Variants in DERA observed in about 807,000 individuals in gnomAD.
DERA encodes deoxyribose-phosphate aldolase.
DERA carries 15 observed loss-of-function variants against 41.1 expected under a neutral mutation model. The ratio of observed to expected loss-of-function variants is 0.37; its 90% CI spans 0.24 to 0.56. The LOEUF (loss-of-function observed/expected upper bound fraction) is 0.56. Ranked by LOEUF, DERA falls within the 20% of genes least tolerant of loss-of-function variation. The pLI, the probability that DERA is intolerant of heterozygous loss-of-function variation, is 0.81. For missense variants in DERA, 396 were observed against 403.4 expected (o/e 0.98, Z 0.16); for synonymous variants, 139 against 137.4 (o/e 1.01, Z -0.08).
At chr12:15,962,290 G>T (rs934292145) in intron 4 of DERA, among the ~76,000 whole-genome samples, 2 of 152,188 alleles carry the variant, frequency 1.3e-5, no homozygotes, top group African/African-American at 2.4e-5. Context: ...CAGGCTGGTT[G>T]TTTTTAACAT....
intron 3 of DERA, among the ~76,000 whole-genome samples, chr12:15,958,624 T>A (rs1473067028): frequency 1.3e-5 from 2 of 152,036 alleles, no homozygotes; most frequent in Non-Finnish European, 2.9e-5. Flanking sequence ...AATTTCTGTT[T>A]AGTGACACTG....
In DERA at chr12:15,921,789, G is replaced by A. The variant is rs1484633396; in HGVS notation, c.31+10375G>A. Reference sequence around the variant, plus strand: ...ATACATAAAAAAATTAACCGGGCTTGGTGGCGAGCGCCTGTAATCCCAGCT... The same window carrying A: ...ATACATAAAAAAATTAACCGGGCTTAGTGGCGAGCGCCTGTAATCCCAGCT... On this transcript the variant is annotated intron_variant, in intron 1 of 8. Transcript: ENST00000428559. This position sits in a 1 kb window ranked among gnomAD's most constrained non-coding sequence, Gnocchi z 5.3. 6.6e-6 allele frequency among the ~76,000 whole-genome samples: 1 copy of A among 152,022 alleles called. No homozygotes were observed. The highest frequency in any genetic ancestry group is 2.4e-5 in the African/African-American group (1 of 41,392).
Position 15,957,156 on chromosome 12 carries a change from A to AC in DERA, c.129+124dup. On this transcript the variant is annotated intron_variant, in intron 2 of 8. Coordinates refer to ENST00000428559, the MANE Select transcript of DERA (RefSeq NM_015954.4). The surrounding 1 kb of genome is among the most constrained non-coding windows in gnomAD (Gnocchi z 4.8). Reference sequence around the variant, plus strand: ...ACTTAAAAGATTGCAGCTGTCCATGACTTATTTTAATAATTCATATATGAT... The same window carrying AC: ...ACTTAAAAGATTGCAGCTGTCCATGACCTTATTTTAATAATTCATATATGAT... The AC allele has an allele frequency of 1.4e-6, 1 of 713,724 alleles. No individual in the cohort carries two copies. Among genetic ancestry groups the AC allele is most frequent in the Non-Finnish European group, 2.4e-6 (1 of 409,796 alleles). The allele number at this position is 713,724 out of a possible 1,614,324, so 44.2% of individuals were successfully genotyped here.
In DERA at chr12:15,976,467, G is replaced by T. The variant is rs777883617; in HGVS notation, c.509-5841G>T. On this transcript the variant is annotated intron_variant, in intron 5 of 8. Transcript: ENST00000428559. The surrounding 1 kb of genome is among the most constrained non-coding windows in gnomAD (Gnocchi z 4.1). ...ACATGCAGGCCAAGAATTTCTCTAG[G>T]CCCCAGTGACATGGGGGCTAGGTTT... Among the ~76,000 whole-genome samples the T allele has an allele frequency of 6.6e-6, 1 of 152,104 alleles. No individual in the cohort carries two copies. Among genetic ancestry groups the T allele is most frequent in the Non-Finnish European group, 1.5e-5 (1 of 68,024 alleles).
rs182117363 is a variant in DERA, at chr12:15,947,093, G to A, written c.32-9843G>A. 1.6e-3 allele frequency among the ~76,000 whole-genome samples: 237 copies of A among 151,934 alleles called. 6 individuals are homozygous for A. Among genetic ancestry groups the A allele is most frequent in the Admixed American group, 0.015 (236 of 15,246 alleles). On this transcript the variant is annotated intron_variant, in intron 1 of 8. Transcript: ENST00000428559. ...TGATTGCACTGTGGTTTGAGAGACA[G>A]TTTGTTATAATTTCTGGAGTGCTTT...
Position 15,915,067 on chromosome 12 carries a change from C to A in DERA, c.31+3653C>A, listed in dbSNP as rs954201499. ...TACCAATCTGTACTGGGTAGTATTA[C>A]CCTAGGCTGGGGGTACAAGATAATC... is the stretch of plus-strand genomic sequence containing the variant. On this transcript the variant is annotated intron_variant, in intron 1 of 8. Transcript: ENST00000428559. This position sits in a 1 kb window ranked among gnomAD's most constrained non-coding sequence, Gnocchi z 4.8. 6.6e-6 allele frequency among the ~76,000 whole-genome samples: 1 copy of A among 152,122 alleles called. No homozygotes were observed. Among genetic ancestry groups the A allele is most frequent in the African/African-American group, 2.4e-5 (1 of 41,414 alleles).
Position 15,982,426 on chromosome 12 carries a change from A to T in DERA, c.627A>T (p.Ala209=). The part of the protein sequence containing the change: ...LTNVYKASMI[A]MMAGSDFIKT... ...ATGTCTATAAAGCCAGTATGATAGC[A>T]ATGATGGCAGGTAAGTGTTTTATGT... The change falls in exon 6 of 9, where the codon GCA becomes GCT. Residue 209 remains alanine, a synonymous_variant. Coordinates refer to ENST00000428559, the MANE Select transcript of DERA (RefSeq NM_015954.4). This position sits in a 1 kb window ranked among gnomAD's most constrained non-coding sequence, Gnocchi z 4.0. 1 of 1,606,392 alleles carries T rather than the reference A, an allele frequency of 6.2e-7. No homozygotes were observed. Among genetic ancestry groups the T allele is most frequent in the Non-Finnish European group, 8.5e-7 (1 of 1,178,038 alleles).
At chr12:15,949,481 C>T (rs968601748) in intron 1 of DERA, among the ~76,000 whole-genome samples, 1 of 152,176 alleles carries the variant, frequency 6.6e-6, no homozygotes, top group Non-Finnish European at 1.5e-5. Flanking sequence ...GCTCCGTGGG[C>T]GTGGGACCCT....
At position 15,940,413 on chromosome 12, in the gene DERA, A is replaced by C. The variant is rs1275033618; in HGVS notation, c.32-16523A>C. 6.6e-6 allele frequency among the ~76,000 whole-genome samples: 1 copy of C among 152,036 alleles called. No homozygotes were observed. The highest frequency in any genetic ancestry group is 1.9e-4 in the East Asian group (1 of 5,184). On this transcript the variant is annotated intron_variant, in intron 1 of 8. Coordinates refer to ENST00000428559, the MANE Select transcript of DERA (RefSeq NM_015954.4). This position sits in a 1 kb window ranked among gnomAD's most constrained non-coding sequence, Gnocchi z 5.1. ...GTTACACAGGCTGGAGTACAGTGGCATGATCTTGGCTCACTGCAACCTCCA... is the reference window on the plus strand; with the variant it reads ...GTTACACAGGCTGGAGTACAGTGGCCTGATCTTGGCTCACTGCAACCTCCA...
chr12:15,988,502 G>A lies in DERA; in HGVS notation c.637+6066G>A, dbSNP rs1448340362. Among the ~76,000 whole-genome samples, 1 of 152,214 alleles carries A rather than the reference G, an allele frequency of 6.6e-6. No individual in the cohort carries two copies. Among genetic ancestry groups the A allele is most frequent in the Non-Finnish European group, 1.5e-5 (1 of 68,048 alleles). On this transcript the variant is annotated intron_variant, in intron 6 of 8. Coordinates refer to ENST00000428559, the MANE Select transcript of DERA (RefSeq NM_015954.4). This position sits in a 1 kb window ranked among gnomAD's most constrained non-coding sequence, Gnocchi z 6.0. ...TCCTTTTTGCAGGCAGGTCGTCCCT[G>A]TGAGTGTGTGAGTCTGACTGAGTCT...
rs374438491 is a variant in DERA at position 16,036,288 on chromosome 12, C to T, written c.807C>T (p.Leu269=). The part of the protein sequence containing the change: ...IRSAKDSLAW[L]SLVKEELGDE... ...GTGCAAAGGATTCCCTTGCTTGGCTCTCTCTTGTAAAGGAGGAGCTTGGAG... is the reference window on the plus strand; with the variant it reads ...GTGCAAAGGATTCCCTTGCTTGGCTTTCTCTTGTAAAGGAGGAGCTTGGAG... Residue 269 remains leucine, a synonymous_variant, in exon 8 of 9, where the codon CTC becomes CTT. Transcript: ENST00000428559. This position sits in a 1 kb window ranked among gnomAD's most constrained non-coding sequence, Gnocchi z 4.9. 2.5e-5 allele frequency: 40 copies of T among 1,613,574 alleles called. No homozygotes were observed. The highest frequency in any genetic ancestry group is 5.0e-5 in the Admixed American group (3 of 59,954).
chr12:15,974,681 G>C (rs1326843732), intron 5 of DERA, among the ~76,000 whole-genome samples: 8 of 152,092 alleles, frequency 5.3e-5, no homozygotes, highest in Admixed American at 5.2e-4. Flanking sequence ...ATTATGAATG[G>C]AGATATTTTG....
chr12:16,006,416 ACTGT>A (rs1296097679), intron 6 of DERA, among the ~76,000 whole-genome samples: 2 of 152,252 alleles, frequency 1.3e-5, no homozygotes, highest in African/African-American at 4.8e-5. Flanking sequence ...CAGTTAAATG[ACTGT>A]CTGGGACGAA....
intron 1 of DERA, among the ~76,000 whole-genome samples, chr12:15,919,790 G>A (rs1565583100): frequency 6.6e-6 from 1 of 152,174 alleles, no homozygotes; most frequent in Admixed American, 6.5e-5. Context: ...AGTAGCTGCT[G>A]GTAGTTATTT....
Position 15,915,380 on chromosome 12 carries a change from G to A in DERA, c.31+3966G>A, listed in dbSNP as rs1948191641. ...CTAAAGTATAACTTGGGTACAGAATGTTTCTGATTTGGGTGATGGTGATTT... is the reference window on the plus strand; with the variant it reads ...CTAAAGTATAACTTGGGTACAGAATATTTCTGATTTGGGTGATGGTGATTT... On this transcript the variant is annotated intron_variant, in intron 1 of 8. Transcript: ENST00000428559. The surrounding 1 kb of genome is among the most constrained non-coding windows in gnomAD (Gnocchi z 4.8). Among the ~76,000 whole-genome samples, 3 of 152,158 alleles carry A rather than the reference G, an allele frequency of 2.0e-5. No homozygotes were observed. The highest frequency in any genetic ancestry group is 1.3e-4 in the Admixed American group (2 of 15,280).
At chr12:15,914,396 A>T (rs1040128889) in intron 1 of DERA, among the ~76,000 whole-genome samples, 28 of 150,644 alleles carry the variant, frequency 1.9e-4, no homozygotes, top group African/African-American at 6.6e-4. Context: ...AAAAAGATAA[A>T]AAAAAAAAAA....
In DERA at chr12:16,030,753, T is replaced by C. The variant is rs199688401; in HGVS notation, c.638-1789T>C. Among the ~76,000 whole-genome samples, 6 of 152,344 alleles carry C rather than the reference T, an allele frequency of 3.9e-5. No individual in the cohort carries two copies. The East Asian group carries it at 1.2e-3, about 29-fold the overall frequency. The stretch of plus-strand genomic sequence containing the variant: ...TTGTTTCTTTATTGTCTTTCTCTTC[T>C]AGAACACCTGCTCACAAAGGCAGGA... On this transcript the variant is annotated intron_variant, in intron 6 of 8. Transcript: ENST00000428559.
Position 15,941,491 on chromosome 12 carries a change from T to G in DERA, c.32-15445T>G, listed in dbSNP as rs1948408479. ...TACCCATCACCCTAGCAATGTACGC[T>G]GTACCTAATATGTAGTCTTTTATTC... On this transcript the variant is annotated intron_variant, in intron 1 of 8. Coordinates refer to ENST00000428559, the MANE Select transcript of DERA (RefSeq NM_015954.4). This position sits in a 1 kb window ranked among gnomAD's most constrained non-coding sequence, Gnocchi z 4.5. Among the ~76,000 whole-genome samples, 1 of 152,198 alleles carries G rather than the reference T, an allele frequency of 6.6e-6. No homozygotes were observed. The highest frequency in any genetic ancestry group is 2.1e-4 in the South Asian group (1 of 4,834).
chr12:15,947,227 T>C (rs946251154), intron 1 of DERA, among the ~76,000 whole-genome samples: 2 of 152,338 alleles, frequency 1.3e-5, no homozygotes, highest in Non-Finnish European at 1.5e-5. Context: ...TTAGGTCTGC[T>C]TGGTGCAGAG....
Sources: allele counts gnomAD v4.1 joint callset (sites outside exome capture counted in the v4.1 genomes callset), GRCh38; gene constraint gnomAD v4.1.1; non-coding constraint Gnocchi (gnomAD v3.1); transcripts MANE v1.5; gene names NCBI Gene and HGNC (gene_info 2026-07-23, HGNC 2026-07-21).